The following PTPRG variants were observed in gnomAD, a reference collection of about 807,000 sequenced individuals.
PTPRG encodes receptor-type tyrosine-protein phosphatase gamma.
A neutral mutation model predicts 165.3 loss-of-function variants in PTPRG; 102 were observed. The observed-to-expected ratio is 0.62, with a 90% CI of 0.53 to 0.73. PTPRG has a LOEUF of 0.73. PTPRG is among the 30% of genes least tolerant of loss of function. The pLI, the probability that PTPRG is intolerant of heterozygous loss-of-function variation, is 0.00. For synonymous variants in PTPRG, 675 were observed against 669.5 expected (o/e 1.01, Z -0.13); for missense variants, 1,866 against 1,861.4 (o/e 1.00, Z -0.05).
chr3:62,238,980 G>A (rs909308941), intron 14 of PTPRG, among the ~76,000 whole-genome samples: 1 of 152,158 alleles, frequency 6.6e-6, no homozygotes, highest in Non-Finnish European at 1.5e-5. Flanking sequence ...GTTTCTTAAA[G>A]GGCACAGACA....
intron 1 of PTPRG, among the ~76,000 whole-genome samples, chr3:61,674,488 A>C (rs1235772197): frequency 2.5e-3 from 26 of 10,580 alleles, no homozygotes; most frequent in Non-Finnish European, 0.016. Flanking sequence ...CTCCATCTCA[A>C]AAAAAAAAAA....
chr3:62,117,228 A>G (rs902142758), intron 5 of PTPRG, among the ~76,000 whole-genome samples: 1 of 152,230 alleles, frequency 6.6e-6, no homozygotes, highest in African/African-American at 2.4e-5. Context: ...CAAAGGTTTC[A>G]TCTGAAAATG....
chr3:62,026,747 G>A (rs7652787), intron 4 of PTPRG, among the ~76,000 whole-genome samples: 1 of 151,518 alleles, frequency 6.6e-6, no homozygotes, highest in Admixed American at 6.6e-5. Flanking sequence ...TTAGCCAGGC[G>A]TGGTGGCACG....
Position 61,660,014 on chromosome 3 carries a change from C to G in PTPRG, c.86-88864C>G, listed in dbSNP as rs11916113. ...GGCCAGGGCAGGCGGATCACGAGGT[C>G]AGGAGATAGAGACCATCCTGGCCAA... On this transcript the variant is annotated intron_variant, in intron 1 of 29. Transcript: ENST00000474889. 6.2e-3 allele frequency among the ~76,000 whole-genome samples: 946 copies of G among 152,134 alleles called. 4 individuals are homozygous for G. The highest frequency in any genetic ancestry group is 0.02 in the Middle Eastern group (6 of 294).
chr3:61,810,505 C>A (rs55817671), intron 2 of PTPRG, among the ~76,000 whole-genome samples: 5,804 of 152,170 alleles, frequency 0.038, 382 homozygotes, highest in African/African-American at 0.13. Context: ...CGAAGGGATA[C>A]CTTATTTAGC....
intron 1 of PTPRG, chr3:61,743,149 A>G: frequency 1.8e-6 from 2 of 1,090,584 alleles, no homozygotes; most frequent in Non-Finnish European, 2.8e-6. Flanking sequence ...GGGTCTGGTA[A>G]TATTTTTATC....
intron 5 of PTPRG, among the ~76,000 whole-genome samples, chr3:62,088,367 G>T (rs985580942): frequency 6.6e-6 from 1 of 152,184 alleles, no homozygotes; most frequent in African/African-American, 2.4e-5. Flanking sequence ...TCGGTAGAGG[G>T]GGGTCAGTTA....
At chr3:61,984,371 G>A (rs1414265571) in intron 2 of PTPRG, among the ~76,000 whole-genome samples, 1 of 151,860 alleles carries the variant, frequency 6.6e-6, no homozygotes, top group Admixed American at 6.6e-5. Flanking sequence ...TTTCTTTACC[G>A]TAGTCTCTTG....
chr3:62,162,665 G>T (rs1176695534), intron 7 of PTPRG, among the ~76,000 whole-genome samples: 2 of 152,222 alleles, frequency 1.3e-5, no homozygotes, highest in African/African-American at 4.8e-5. Flanking sequence ...TGTTGCTGAT[G>T]CAGGGTGCCC....
chr3:61,783,387 C>T (rs1014593738), intron 2 of PTPRG, among the ~76,000 whole-genome samples: 5 of 152,046 alleles, frequency 3.3e-5, no homozygotes, highest in Admixed American at 3.3e-4. Context: ...CCAAGCATTC[C>T]TAGGAACTAA....
chr3:61,671,920 G>T (rs1342175308), intron 1 of PTPRG, among the ~76,000 whole-genome samples: 1 of 141,960 alleles, frequency 7.0e-6, no homozygotes, highest in Non-Finnish European at 1.5e-5. Context: ...CCTCCCTCCC[G>T]GACGAGGTGG....
chr3:61,801,432 C>G (rs1389029692), intron 2 of PTPRG, among the ~76,000 whole-genome samples: 1 of 151,798 alleles, frequency 6.6e-6, no homozygotes, highest in Non-Finnish European at 1.5e-5. Flanking sequence ...CTTCAGCCCC[C>G]AAGTAGCTGG....
At chr3:62,248,350 G>T (rs762226617) in intron 15 of PTPRG, among the ~76,000 whole-genome samples, 2 of 152,040 alleles carry the variant, frequency 1.3e-5, no homozygotes, top group Non-Finnish European at 2.9e-5. Flanking sequence ...TTTCACTAAG[G>T]GTTTTTCAAA....
At chr3:61,668,052 T>G (rs1543683) in intron 1 of PTPRG, among the ~76,000 whole-genome samples, 148,929 of 152,340 alleles carry the variant, frequency 0.98, 72,869 homozygotes, top group Non-Finnish European at 1. Context: ...GAAATGAGTG[T>G]TTGCAACAGA....
At chr3:61,943,839 A>C (rs1575810022) in intron 2 of PTPRG, among the ~76,000 whole-genome samples, 1 of 152,346 alleles carries the variant, frequency 6.6e-6, no homozygotes. Context: ...ACTGCTGCTT[A>C]ACTAATGGGA....
chr3:61,957,980 T>TA (rs2040070682), intron 2 of PTPRG, among the ~76,000 whole-genome samples: 1 of 152,200 alleles, frequency 6.6e-6, no homozygotes, highest in African/African-American at 2.4e-5. Flanking sequence ...GCATTTGCCT[T>TA]AATGAGGTTT....
chr3:61,567,851 G>A (rs1475044089), intron 1 of PTPRG, among the ~76,000 whole-genome samples: 1 of 150,322 alleles, frequency 6.7e-6, no homozygotes, highest in Non-Finnish European at 1.5e-5. Context: ...GTACTTGGTG[G>A]TATGCGCCTG....
At chr3:61,761,236 G>C (rs1372504231) in intron 2 of PTPRG, among the ~76,000 whole-genome samples, 1 of 152,104 alleles carries the variant, frequency 6.6e-6, no homozygotes, top group Admixed American at 6.5e-5. Context: ...AAGCATTTCT[G>C]TTTCTCTGCA....
intron 2 of PTPRG, among the ~76,000 whole-genome samples, chr3:61,975,813 TCAAA>T (rs2040489347): frequency 6.6e-6 from 1 of 152,194 alleles, no homozygotes; most frequent in African/African-American, 2.4e-5. Flanking sequence ...AAGATTTTCA[TCAAA>T]CATTTTATGT....
Sources: gnomAD v4.1 joint callset for allele counts (sites outside exome capture counted in the v4.1 genomes callset) on GRCh38, gnomAD v4.1.1 for gene constraint, MANE v1.5 for transcripts, NCBI Gene and HGNC (gene_info 2026-07-23, HGNC 2026-07-21) for gene names.